The following TBC1D19 variants were observed in gnomAD, a reference collection of about 807,000 sequenced individuals.
The protein encoded by TBC1D19 is TBC1 domain family, member 19.
In TBC1D19, 60 loss-of-function variants were observed where a neutral mutation model predicts 89.0. The ratio of observed to expected loss-of-function variants is 0.67; its 90% CI spans 0.55 to 0.84. The LOEUF is 0.84. Among genes scored for constraint, TBC1D19 ranks in the 40% least tolerant of loss-of-function variants. TBC1D19 has a pLI of 0.00. For synonymous variants in TBC1D19, 189 were observed against 199.7 expected (o/e 0.95, Z 0.45); for missense variants, 500 against 610.8 (o/e 0.82, Z 1.91).
At chr4:26,683,849 C>A in intron 12 of TBC1D19, 100 bp downstream of exon 12, 1 of 946,150 alleles carries the variant, frequency 1.1e-6, no homozygotes, top group East Asian at 2.7e-5. Flanking sequence ...ATATATTAAC[C>A]TTGAAAAATA....
intron 13 of TBC1D19, among the ~76,000 whole-genome samples, chr4:26,703,175 C>A (rs1163087084): frequency 1.3e-5 from 2 of 152,112 alleles, no homozygotes; most frequent in African/African-American, 2.4e-5. Context: ...AAGCATCTCT[C>A]TTTGGGAATT....
At chr4:26,793,188 C>T in the TBC1D19 span, among the ~76,000 whole-genome samples, 1 of 152,078 alleles carries the variant, frequency 6.6e-6, no homozygotes, top group Non-Finnish European at 1.5e-5. Context: ...CCTGGGAAAG[C>T]CAGAGAGGTA....
the TBC1D19 span, among the ~76,000 whole-genome samples, chr4:26,796,316 T>C: frequency 6.6e-6 from 1 of 152,214 alleles, no homozygotes; most frequent in African/African-American, 2.4e-5. Context: ...TGTGAGAGTG[T>C]GTTCACCCAA....
intron 13 of TBC1D19, among the ~76,000 whole-genome samples, chr4:26,691,112 C>G (rs1714239524): frequency 6.6e-6 from 1 of 152,120 alleles, no homozygotes; most frequent in African/African-American, 2.4e-5. Flanking sequence ...AAGTAACGGT[C>G]ACTGTGGTGG....
At chr4:26,712,272 GGGCTTGAATCAAGGCATT>G (rs368732444) in intron 13 of TBC1D19, among the ~76,000 whole-genome samples, 40 of 152,082 alleles carry the variant, frequency 2.6e-4, no homozygotes, top group African/African-American at 9.6e-4. Flanking sequence ...TGGTTTCATT[GGGCTTGAATCAAGGCATT>G]GGCAGGGCTG....
intron 1 of TBC1D19, among the ~76,000 whole-genome samples, chr4:26,590,893 C>T (rs1739751531): frequency 7.3e-6 from 1 of 136,942 alleles, no homozygotes; most frequent in Non-Finnish European, 1.5e-5. Flanking sequence ...TCAAGGGATC[C>T]TCCTGACTCA....
chr4:26,743,042 A>G (rs1323696801), intron 18 of TBC1D19, among the ~76,000 whole-genome samples: 2 of 152,148 alleles, frequency 1.3e-5, no homozygotes, highest in South Asian at 2.1e-4. Context: ...TCAGGTACCT[A>G]TCAATGGTTG....
the TBC1D19 span, among the ~76,000 whole-genome samples, chr4:26,780,620 A>G: frequency 2.0e-5 from 3 of 152,218 alleles, no homozygotes; most frequent in Non-Finnish European, 2.9e-5. Context: ...AGCTACCCAC[A>G]GTGCAATCTG....
chr4:26,693,758 GAGAT>G (rs1714505755), intron 13 of TBC1D19, among the ~76,000 whole-genome samples: 1 of 151,818 alleles, frequency 6.6e-6, no homozygotes, highest in Non-Finnish European at 1.5e-5. Flanking sequence ...AGGTTTTAAA[GAGAT>G]AGAAATTACA....
the TBC1D19 span, among the ~76,000 whole-genome samples, chr4:26,844,689 T>G: frequency 6.6e-6 from 1 of 152,172 alleles, no homozygotes; most frequent in African/African-American, 2.4e-5. Flanking sequence ...GGGGATACAG[T>G]TGCTTTTTTT....
chr4:26,772,231 C>T, the TBC1D19 span, among the ~76,000 whole-genome samples: 1 of 151,236 alleles, frequency 6.6e-6, no homozygotes, highest in African/African-American at 2.4e-5. Flanking sequence ...TTTTCAGATC[C>T]TACTATAGGC....
At chr4:26,816,404 G>A in the TBC1D19 span, among the ~76,000 whole-genome samples, 1 of 152,124 alleles carries the variant, frequency 6.6e-6, no homozygotes, top group Non-Finnish European at 1.5e-5. Context: ...TCTGGCAGAG[G>A]TTTTCAGTGG....
chr4:26,801,793 T>C, the TBC1D19 span, among the ~76,000 whole-genome samples: 1 of 152,112 alleles, frequency 6.6e-6, no homozygotes, highest in Non-Finnish European at 1.5e-5. Flanking sequence ...AAAAAATCCA[T>C]GTGACCAACG....
chr4:26,850,540 C>CA, the TBC1D19 span, among the ~76,000 whole-genome samples: 251 of 90,346 alleles, frequency 2.8e-3, 5 homozygotes, highest in Admixed American at 3.7e-3. Flanking sequence ...GACCCTGTCT[C>CA]AAAAAAAAAA....
At chr4:26,812,385 C>G in the TBC1D19 span, among the ~76,000 whole-genome samples, 1 of 152,272 alleles carries the variant, frequency 6.6e-6, no homozygotes, top group South Asian at 2.1e-4. The surrounding 1 kb of genome is among the most constrained non-coding windows in gnomAD (Gnocchi z 4.2). Context: ...GGAATGCCTG[C>G]CAACGCAATT....
the TBC1D19 span, among the ~76,000 whole-genome samples, chr4:26,851,321 CTATCTAT>C: frequency 4.0e-5 from 6 of 148,228 alleles, no homozygotes; most frequent in East Asian, 1.2e-3. Flanking sequence ...ATCTATCTAT[CTATCTAT>C]CTATCTATCT....
At chr4:26,671,113 A>G (rs1338355145) in intron 9 of TBC1D19, among the ~76,000 whole-genome samples, 1 of 151,626 alleles carries the variant, frequency 6.6e-6, no homozygotes, top group African/African-American at 2.4e-5. Flanking sequence ...GTTAGTAGCT[A>G]TTGCTGGACA....
chr4:26,824,782 G>A, the TBC1D19 span, among the ~76,000 whole-genome samples: 1 of 151,776 alleles, frequency 6.6e-6, no homozygotes, highest in Non-Finnish European at 1.5e-5. Flanking sequence ...AATTCACATG[G>A]CCATATGCAT....
chr4:26,622,596 T>C (rs1742129554), intron 4 of TBC1D19, among the ~76,000 whole-genome samples: 1 of 152,196 alleles, frequency 6.6e-6, no homozygotes, highest in Non-Finnish European at 1.5e-5. Flanking sequence ...CCTATTTTTA[T>C]AGGGCTGGCA....
Sources: gnomAD v4.1 joint callset for allele counts (sites outside exome capture counted in the v4.1 genomes callset) on GRCh38, gnomAD v4.1.1 for gene constraint, Gnocchi (gnomAD v3.1) non-coding constraint, MANE v1.5 for transcripts, NCBI Gene and HGNC (gene_info 2026-07-23, HGNC 2026-07-21) for gene names.